Variants in HERC3 observed in about 807,000 individuals in gnomAD.
HERC3 encodes the protein probable E3 ubiquitin-protein ligase HERC3.
HERC3 carries 58 observed loss-of-function variants against 129.9 expected under a neutral mutation model. That is an observed-to-expected ratio of 0.45 (90% CI 0.36 to 0.56). HERC3 has a LOEUF of 0.56. Among genes scored for constraint, HERC3 ranks in the 20% least tolerant of loss-of-function variants. The probability of loss-of-function intolerance (pLI) is 0.00; values close to 1 mark genes in which losing one functional copy is unlikely to be tolerated. For synonymous variants in HERC3, 430 were observed against 451.0 expected (o/e 0.95, Z 0.59); for missense variants, 835 against 1,244.2 (o/e 0.67, Z 4.95).
At position 88,695,273 on chromosome 4, in the gene HERC3, C is replaced by G. The variant is rs115323802; in HGVS notation, c.2657+7974C>G. Among the ~76,000 whole-genome samples the G allele has an allele frequency of 4.2e-3, 636 of 152,260 alleles. 8 individuals are homozygous for G. Among genetic ancestry groups the G allele is most frequent in the African/African-American group, 0.015 (603 of 41,532 alleles). On this transcript the variant is annotated intron_variant, in intron 23 of 25. Transcript: ENST00000402738. ...CAATCTGTTGTGATTAGCAACAGGTCAGTGCTGCCTTCCATTCCCTAGGAT... is the reference window on the plus strand; with the variant it reads ...CAATCTGTTGTGATTAGCAACAGGTGAGTGCTGCCTTCCATTCCCTAGGAT...
In HERC3 at chr4:88,654,179, G is replaced by A. The variant is rs772783263; in HGVS notation, c.777+46G>A. On this transcript the variant is annotated intron_variant, in intron 7 of 25. Transcript: ENST00000402738. Reference sequence around the variant, plus strand: ...TACTTTGGTGCTGGGGATATGATGGGTGATTAGAATTGCTTGATTATGTTA... The same window carrying A: ...TACTTTGGTGCTGGGGATATGATGGATGATTAGAATTGCTTGATTATGTTA... 3.5e-5 allele frequency: 46 copies of A among 1,311,348 alleles called. No individual in the cohort carries two copies. In the South Asian group the frequency reaches 4.0e-4, roughly 12 times the overall value. 81.2% of individuals were successfully genotyped at this position (1,311,348 alleles called of 1,614,324 possible).
chr4:88,675,602 A>G (rs562225861), intron 16 of HERC3, among the ~76,000 whole-genome samples: 6 of 151,896 alleles, frequency 4.0e-5, no homozygotes, highest in Non-Finnish European at 7.4e-5. Flanking sequence ...GATGTCCTTC[A>G]TTGTGGTTGT....
intron 23 of HERC3, among the ~76,000 whole-genome samples, chr4:88,692,671 T>A (rs1385661526): frequency 6.6e-6 from 1 of 152,198 alleles, no homozygotes; most frequent in Non-Finnish European, 1.5e-5. Context: ...TCAGACACTA[T>A]TTGAAATATT....
intron 4 of HERC3, among the ~76,000 whole-genome samples, chr4:88,650,547 A>G (rs1001569530): frequency 1.1e-4 from 16 of 152,224 alleles, no homozygotes; most frequent in Non-Finnish European, 2.2e-4. Flanking sequence ...AGTTGCCACT[A>G]AGAGAACATC....
At chr4:88,552,856 C>T in the HERC3 span, among the ~76,000 whole-genome samples, 1 of 152,102 alleles carries the variant, frequency 6.6e-6, no homozygotes, top group East Asian at 1.9e-4. Flanking sequence ...CCTGTTGTTT[C>T]AGAAGCCATA....
At chr4:88,527,037 G>T in the HERC3 span, 1 of 152,070 alleles carries the variant, frequency 6.6e-6, no homozygotes, top group Non-Finnish European at 1.5e-5. Context: ...AACATCAAAG[G>T]AGTTTTGAAA....
intron 25 of HERC3, among the ~76,000 whole-genome samples, chr4:88,705,985 T>C (rs1735744917): frequency 1.3e-5 from 2 of 152,184 alleles, no homozygotes; most frequent in African/African-American, 2.4e-5. Flanking sequence ...GTTTGCCAAG[T>C]GAGCTTGTAG....
intron 3 of HERC3, among the ~76,000 whole-genome samples, chr4:88,613,890 C>G (rs1163649983): frequency 6.6e-6 from 1 of 152,120 alleles, no homozygotes; most frequent in African/African-American, 2.4e-5. Context: ...AGATGACTTT[C>G]TGGTTCAGAG....
At chr4:88,642,480 G>A (rs575174785) in intron 3 of HERC3, among the ~76,000 whole-genome samples, 1 of 152,276 alleles carries the variant, frequency 6.6e-6, no homozygotes, top group Admixed American at 6.5e-5. Context: ...TTCATTTGGG[G>A]TGCTATAACA....
Position 88,688,340 on chromosome 4 carries a change from C to T in HERC3, c.2657+1041C>T, listed in dbSNP as rs975044062. ...GCCTTGAACGGCGCTTGGAGTAGAA[C>T]ATGATTGGTTTCTATTTTAGAAAGA... On this transcript the variant is annotated intron_variant, in intron 23 of 25. Coordinates refer to ENST00000402738, the MANE Select transcript of HERC3 (RefSeq NM_014606.3). Among the ~76,000 whole-genome samples, 19 of 152,168 alleles carry T rather than the reference C, an allele frequency of 1.2e-4. 1 individual carries two copies. Among genetic ancestry groups the T allele is most frequent in the South Asian group, 6.2e-4 (3 of 4,822 alleles).
At chr4:88,686,952 T>C (rs1168425848) in intron 22 of HERC3, 150 bp downstream of exon 22, 20 of 677,600 alleles carry the variant, frequency 3.0e-5, no homozygotes, top group Non-Finnish European at 4.6e-5. Flanking sequence ...TTGAGTGTTA[T>C]AGGGGTTCAG....
At chr4:88,538,033 CTG>C in the HERC3 span, among the ~76,000 whole-genome samples, 1 of 152,192 alleles carries the variant, frequency 6.6e-6, no homozygotes, top group African/African-American at 2.4e-5. Context: ...GGTGTTAAAT[CTG>C]TGAGTCCTTA....
chr4:88,553,446 A>G, the HERC3 span, among the ~76,000 whole-genome samples: 1 of 152,212 alleles, frequency 6.6e-6, no homozygotes, highest in African/African-American at 2.4e-5. Flanking sequence ...AATACTCAGC[A>G]TAAACTTGTC....
chr4:88,530,407 G>A, the HERC3 span, among the ~76,000 whole-genome samples: 46 of 152,128 alleles, frequency 3.0e-4, 1 homozygote, highest in African/African-American at 9.9e-4. Context: ...GCATTCTTTC[G>A]TGTATTCATT....
intron 3 of HERC3, among the ~76,000 whole-genome samples, chr4:88,632,237 A>G (rs920494830): frequency 1.3e-5 from 2 of 152,208 alleles, no homozygotes; most frequent in Non-Finnish European, 2.9e-5. Context: ...AGCTGAACTA[A>G]TAGATAACCA....
At chr4:88,533,761 A>G in the HERC3 span, among the ~76,000 whole-genome samples, 2 of 152,222 alleles carry the variant, frequency 1.3e-5, no homozygotes, top group Non-Finnish European at 2.9e-5. Flanking sequence ...CTAACTTCAT[A>G]CATAGTCCTA....
intron 3 of HERC3, among the ~76,000 whole-genome samples, chr4:88,613,986 A>G (rs1317374327): frequency 6.6e-6 from 1 of 152,264 alleles, no homozygotes; most frequent in Non-Finnish European, 1.5e-5. Context: ...TACTCAGCCT[A>G]CATTCTATAA....
the HERC3 span, among the ~76,000 whole-genome samples, chr4:88,524,308 C>T: frequency 6.6e-6 from 1 of 152,318 alleles, no homozygotes; most frequent in Admixed American, 6.5e-5. Context: ...GAGACCCAGT[C>T]ATTGTGAAGT....
chr4:88,632,236 A>G (rs1021824417), intron 3 of HERC3, among the ~76,000 whole-genome samples: 3 of 152,348 alleles, frequency 2.0e-5, no homozygotes, highest in Non-Finnish European at 4.4e-5. Context: ...GAGCTGAACT[A>G]ATAGATAACC....
Sources: gnomAD v4.1 joint callset for allele counts (sites outside exome capture counted in the v4.1 genomes callset) on GRCh38, gnomAD v4.1.1 for gene constraint, MANE v1.5 for transcripts, NCBI Gene and HGNC (gene_info 2026-07-23, HGNC 2026-07-21) for gene names.